Variants in SLC24A2 observed in about 807,000 individuals in gnomAD.
SLC24A2 encodes the protein sodium/potassium/calcium exchanger 2.
SLC24A2 carries 36 observed loss-of-function variants against 62.0 expected under a neutral mutation model. That is an observed-to-expected ratio of 0.58 (90% CI 0.44 to 0.77). The LOEUF (loss-of-function observed/expected upper bound fraction) is 0.77. Among genes scored for constraint, SLC24A2 ranks in the 30% least tolerant of loss-of-function variants. The pLI, the probability that SLC24A2 is intolerant of heterozygous loss-of-function variation, is 0.00. For synonymous variants in SLC24A2, 358 were observed against 294.0 expected, an observed-to-expected ratio of 1.22 and a Z score of -2.23; for missense variants, 846 against 817.9, an observed-to-expected ratio of 1.03 and a Z score of -0.42.
intron 2 of SLC24A2, among the ~76,000 whole-genome samples, chr9:19,689,383 A>G (rs1212276525): frequency 6.6e-6 from 1 of 152,192 alleles, no homozygotes; most frequent in Admixed American, 6.5e-5. Flanking sequence ...AGATTGATAC[A>G]GCTCCTATGA....
At chr9:20,155,229 A>G in the SLC24A2 span, among the ~76,000 whole-genome samples, 1 of 151,788 alleles carries the variant, frequency 6.6e-6, no homozygotes, top group Non-Finnish European at 1.5e-5. Context: ...TATTTCAAAC[A>G]AATTAAAATG....
At chr9:19,537,240 C>A (rs946904750) in intron 8 of SLC24A2, among the ~76,000 whole-genome samples, 4 of 143,178 alleles carry the variant, frequency 2.8e-5, no homozygotes, top group Non-Finnish European at 6.1e-5. Context: ...TCTTTTGTTG[C>A]CATTGCTTTT....
At chr9:20,226,108 C>G in the SLC24A2 span, among the ~76,000 whole-genome samples, 325 of 152,164 alleles carry the variant, frequency 2.1e-3, 3 homozygotes, top group African/African-American at 7.4e-3. Context: ...GTTCCAGCAG[C>G]CAATTATATT....
the SLC24A2 span, among the ~76,000 whole-genome samples, chr9:19,886,046 C>T: frequency 6.6e-6 from 1 of 152,108 alleles, no homozygotes; most frequent in Non-Finnish European, 1.5e-5. Flanking sequence ...GTGAATAGTG[C>T]TGCGAGGAAC....
chr9:20,263,861 G>GCCCCCCCC, the SLC24A2 span, among the ~76,000 whole-genome samples: 2 of 30,840 alleles, frequency 6.5e-5, no homozygotes, highest in African/African-American at 1.1e-4. Flanking sequence ...TATCCCACCC[G>GCCCCCCCC]CCCCCCCCCC....
chr9:20,032,604 A>G, the SLC24A2 span, among the ~76,000 whole-genome samples: 1 of 152,332 alleles, frequency 6.6e-6, no homozygotes, highest in Middle Eastern at 3.4e-3. Flanking sequence ...GTTCCTTCAC[A>G]TAAATTGTAT....
the SLC24A2 span, among the ~76,000 whole-genome samples, chr9:20,224,995 C>A: frequency 1.3e-5 from 2 of 152,068 alleles, no homozygotes; most frequent in Non-Finnish European, 2.9e-5. Flanking sequence ...CCCTCCTCCA[C>A]AATTTCCTGA....
the SLC24A2 span, among the ~76,000 whole-genome samples, chr9:19,860,297 C>A: frequency 6.6e-6 from 1 of 152,112 alleles, no homozygotes; most frequent in African/African-American, 2.4e-5. Context: ...TCATGAGACC[C>A]TTTTTCCAGG....
intron 2 of SLC24A2, among the ~76,000 whole-genome samples, chr9:19,726,078 C>A (rs924710296): frequency 1.3e-5 from 2 of 152,204 alleles, no homozygotes; most frequent in Non-Finnish European, 2.9e-5. Context: ...GAGGCCACAT[C>A]CTCACTGAAG....
the SLC24A2 span, among the ~76,000 whole-genome samples, chr9:20,144,744 A>G: frequency 7.4e-4 from 113 of 152,182 alleles, no homozygotes; most frequent in Non-Finnish European, 1.3e-3. Flanking sequence ...GGATTTAACT[A>G]TACGGCTGTC....
At chr9:20,138,635 C>G in the SLC24A2 span, among the ~76,000 whole-genome samples, 3 of 152,208 alleles carry the variant, frequency 2.0e-5, no homozygotes, top group Non-Finnish European at 4.4e-5. Flanking sequence ...GCGATTCCTC[C>G]TCTATCCCAG....
At chr9:19,824,495 G>T in the SLC24A2 span, among the ~76,000 whole-genome samples, 1 of 152,156 alleles carries the variant, frequency 6.6e-6, no homozygotes, top group Non-Finnish European at 1.5e-5. Context: ...AGTTAGAATG[G>T]CAATCATTAA....
chr9:19,543,798 TTTG>T lies in SLC24A2; in HGVS notation c.1479+6336_1479+6338del, dbSNP rs1009283304. Among the ~76,000 whole-genome samples the T allele has an allele frequency of 1.2e-3, 182 of 149,322 alleles. 1 individual carries two copies. Among genetic ancestry groups the T allele is most frequent in the African/African-American group, 4.4e-3 (171 of 38,712 alleles). On this transcript the variant is annotated intron_variant, in intron 8 of 10. Coordinates refer to ENST00000341998, the MANE Select transcript of SLC24A2 (RefSeq NM_020344.4). ...GATTGCACTATGGTCTGAGAGACTG[TTTG>T]TTATGATTTCCATTCTTTTGCATTT...
chr9:20,037,225 T>C, the SLC24A2 span, among the ~76,000 whole-genome samples: 1 of 152,142 alleles, frequency 6.6e-6, no homozygotes, highest in Admixed American at 6.5e-5. Context: ...ATAGATTACT[T>C]ACACGCCCAA....
At chr9:19,744,627 G>C (rs1488027369) in intron 2 of SLC24A2, among the ~76,000 whole-genome samples, 1 of 152,162 alleles carries the variant, frequency 6.6e-6, no homozygotes, top group Admixed American at 6.6e-5. Context: ...TTTTCCAAAA[G>C]TAGATGGGAA....
At chr9:20,230,574 G>T in the SLC24A2 span, among the ~76,000 whole-genome samples, 1 of 150,308 alleles carries the variant, frequency 6.7e-6, no homozygotes, top group South Asian at 2.1e-4. Context: ...CAATTTTGAT[G>T]GGGTTGTTTG....
the SLC24A2 span, among the ~76,000 whole-genome samples, chr9:20,172,795 T>C: frequency 1.3e-5 from 2 of 152,044 alleles, no homozygotes; most frequent in Non-Finnish European, 2.9e-5. Context: ...ACCAATCCTA[T>C]TGACACTATT....
the SLC24A2 span, among the ~76,000 whole-genome samples, chr9:20,131,313 A>G: frequency 5.5e-4 from 84 of 152,062 alleles, no homozygotes; most frequent in Non-Finnish European, 8.1e-4. Context: ...TGTGTTTCCC[A>G]CTGTTCATGC....
chr9:20,050,364 C>G, the SLC24A2 span, among the ~76,000 whole-genome samples: 3 of 151,828 alleles, frequency 2.0e-5, no homozygotes, highest in Admixed American at 2.0e-4. Context: ...TGCAGTGAGC[C>G]TAGATCGCAC....
Sources: gnomAD v4.1 joint callset for allele counts (sites outside exome capture counted in the v4.1 genomes callset) on GRCh38, gnomAD v4.1.1 for gene constraint, MANE v1.5 for transcripts, NCBI Gene and HGNC (gene_info 2026-07-23, HGNC 2026-07-21) for gene names.